Variants in TXNDC11 observed in about 807,000 individuals in gnomAD.
TXNDC11 encodes thioredoxin domain containing 11, also known as thioredoxin domain-containing protein 11.
In TXNDC11, 68 loss-of-function variants were observed where a neutral mutation model predicts 78.0. That is an observed-to-expected ratio of 0.87 (90% confidence interval 0.72 to 1.07). The LOEUF is 1.07. TXNDC11 is among the 50% of genes least tolerant of loss of function. The pLI, the probability that TXNDC11 is intolerant of heterozygous loss-of-function variation, is 0.00. For synonymous variants in TXNDC11, 571 were observed against 495.2 expected (o/e 1.15, Z -2.03); for missense variants, 1,389 against 1,221.8 (o/e 1.14, Z -2.04).
At position 11,721,586 on chromosome 16, in the gene TXNDC11, A is replaced by C; in HGVS notation, c.784T>G (p.Leu262Val). The C allele has an allele frequency of 6.2e-7, 1 of 1,601,666 alleles. No individual in the cohort carries two copies. The highest frequency in any genetic ancestry group is 8.5e-7 in the Non-Finnish European group (1 of 1,170,084). Residue 262 changes from leucine to valine, a missense_variant, in exon 5 of 12, where the codon TTA (leucine) becomes GTA (valine). Transcript: ENST00000283033. ...LTFFTSALHSLKKDYLGTVRF... is the reference protein window; with the variant it reads ...LTFFTSALHSVKKDYLGTVRF... Reference sequence around the variant, plus strand: ...ATGAATCATTTTTTACCTTTCTTTAATGAATGTAATGCTGAGGTGAAGAAG... The same window carrying C: ...ATGAATCATTTTTTACCTTTCTTTACTGAATGTAATGCTGAGGTGAAGAAG...
chr16:11,707,666 C>A (rs1443194572), intron 5 of TXNDC11, among the ~76,000 whole-genome samples: 1 of 151,730 alleles, frequency 6.6e-6, no homozygotes, highest in South Asian at 2.1e-4. Context: ...CCAGGCTGGT[C>A]TCGAACTCCT....
intron 5 of TXNDC11, 176 bp downstream of exon 5, chr16:11,721,401 T>C: frequency 2.6e-6 from 1 of 389,642 alleles, no homozygotes; most frequent in Non-Finnish European, 4.8e-6. Flanking sequence ...ATCACGCCAC[T>C]GCACTCCAGC....
rs1394099648 is a variant in TXNDC11, at chr16:11,703,548, GGA to G, written c.794-2986_794-2985del. The G allele has an allele frequency of 4.1e-5, 23 of 557,850 alleles. 1 individual carries two copies. The highest frequency in any genetic ancestry group is 8.2e-5 in the South Asian group (4 of 48,928). The allele number at this position is 557,850 out of a possible 1,614,324, so 34.6% of individuals were successfully genotyped here. On this transcript the variant is annotated intron_variant, in intron 5 of 11. Transcript: ENST00000283033. ...CACACACACACACACACACACAGAGGGAGAGAGAGGGGATGGATAGAGAAATA... is the reference window on the plus strand; with the variant it reads ...CACACACACACACACACACACAGAGGGAGAGAGGGGATGGATAGAGAAATA...
chr16:11,693,451 G>A (rs549839828), intron 7 of TXNDC11, among the ~76,000 whole-genome samples: 5 of 151,964 alleles, frequency 3.3e-5, no homozygotes, highest in African/African-American at 1.2e-4. Context: ...TCAGGATTTT[G>A]TTTCGCTGTG....
At chr16:11,701,500 G>C (rs1381941108) in intron 5 of TXNDC11, among the ~76,000 whole-genome samples, 1 of 152,050 alleles carries the variant, frequency 6.6e-6, no homozygotes. Context: ...TAGTATCCCA[G>C]CACCTACAGA....
At chr16:11,683,734 T>C (rs918853686) in intron 11 of TXNDC11, among the ~76,000 whole-genome samples, 6 of 150,564 alleles carry the variant, frequency 4.0e-5, no homozygotes, top group Non-Finnish European at 8.8e-5. Flanking sequence ...AACCCTTTTA[T>C]GTCCCTAAGG....
At chr16:11,688,007 T>C in intron 9 of TXNDC11, 41 bp from the exon 10 acceptor site, 1 of 1,422,574 alleles carries the variant, frequency 7.0e-7, no homozygotes, top group Non-Finnish European at 9.9e-7. Context: ...CACCGGGAAA[T>C]GGGCTCTTCT....
intron 5 of TXNDC11, among the ~76,000 whole-genome samples, chr16:11,713,280 C>CAAAA (rs60166472): frequency 1.0e-5 from 1 of 97,608 alleles, no homozygotes; most frequent in Non-Finnish European, 2.2e-5. Flanking sequence ...GACTCTGTCT[C>CAAAA]AAAAAAAAAA....
chr16:11,690,784 T>C (rs1166946150), intron 8 of TXNDC11: 2 of 153,856 alleles, frequency 1.3e-5, no homozygotes, highest in Non-Finnish European at 2.9e-5. Flanking sequence ...ATAGTCTCGA[T>C]CTCCTGACCT....
intron 9 of TXNDC11, 145 bp downstream of exon 9, chr16:11,688,158 T>C (rs550837777): frequency 3.0e-6 from 3 of 987,422 alleles, no homozygotes; most frequent in Non-Finnish European, 4.5e-6. Context: ...AAAAACCACA[T>C]GTAATTCATT....
At chr16:11,732,985 T>C (rs4439779) in intron 3 of TXNDC11, among the ~76,000 whole-genome samples, 92,176 of 152,060 alleles carry the variant, frequency 0.61, 28,684 homozygotes, top group African/African-American at 0.72. Context: ...CAAAACTCTT[T>C]GAGTCAGATT....
At chr16:11,721,951 A>G (rs561463252) in intron 4 of TXNDC11, among the ~76,000 whole-genome samples, 16 of 152,300 alleles carry the variant, frequency 1.1e-4, no homozygotes, top group Admixed American at 9.1e-4. Context: ...TTCTGTCCCC[A>G]TGAGTAGGTC....
At chr16:11,701,364 T>A (rs1018982181) in intron 5 of TXNDC11, among the ~76,000 whole-genome samples, 2 of 152,042 alleles carry the variant, frequency 1.3e-5, no homozygotes, top group African/African-American at 4.8e-5. Flanking sequence ...CTCGAACTCC[T>A]GACCTCAAGT....
At chr16:11,717,110 A>G (rs2051547614) in intron 5 of TXNDC11, among the ~76,000 whole-genome samples, 1 of 146,398 alleles carries the variant, frequency 6.8e-6, no homozygotes, top group African/African-American at 2.5e-5. Context: ...ATTTTCAGGA[A>G]AAAAAAAAAA....
chr16:11,687,410 A>C (rs2050594760), intron 10 of TXNDC11, among the ~76,000 whole-genome samples: 1 of 152,218 alleles, frequency 6.6e-6, no homozygotes. Flanking sequence ...AAGCGCACAT[A>C]CAGTACCCAT....
chr16:11,730,914 T>TAGCC (rs2052026402), intron 3 of TXNDC11, 140 bp from the exon 4 acceptor site: 1 of 600,942 alleles, frequency 1.7e-6, no homozygotes, highest in Admixed American at 3.8e-5. Flanking sequence ...CACAGATCAG[T>TAGCC]AGCCTGCTTT....
rs552567388 is a variant in TXNDC11, at chr16:11,682,614, T to A, written c.2234+1551A>T. Among the ~76,000 whole-genome samples, 387 of 152,338 alleles carry A rather than the reference T, an allele frequency of 2.5e-3. 1 individual carries two copies. Among genetic ancestry groups the A allele is most frequent in the African/African-American group, 8.8e-3 (367 of 41,568 alleles). ...CATGTGCTGGGTGCTAAGATTTTCA[T>A]ATTTTTTCAAACTATGCTTGGAATT... On this transcript the variant is annotated intron_variant, in intron 11 of 11. Coordinates refer to ENST00000283033, the MANE Select transcript of TXNDC11 (RefSeq NM_015914.7).
chr16:11,687,996 G>T, intron 9 of TXNDC11, 30 bp from the exon 10 acceptor site: 2 of 1,512,358 alleles, frequency 1.3e-6, no homozygotes, highest in Non-Finnish European at 1.8e-6. Context: ...GATGTTACTT[G>T]CACCGGGAAA....
rs2051831048 is a variant in TXNDC11, at chr16:11,724,921, A to AT, written c.700-3252dup. 7.9e-5 allele frequency among the ~76,000 whole-genome samples: 12 copies of AT among 152,068 alleles called. No individual in the cohort carries two copies. In the South Asian group the frequency reaches 2.5e-3, roughly 32 times the overall value. ...CCACCACATCCGGCTAATTTTTTGT[A>AT]TTTTTAGTAGAGACGAGGTTTCACC... is the stretch of plus-strand genomic sequence containing the variant. On this transcript the variant is annotated intron_variant, in intron 4 of 11. Transcript: ENST00000283033.
Sources: allele counts gnomAD v4.1 joint callset (sites outside exome capture counted in the v4.1 genomes callset), GRCh38; gene constraint gnomAD v4.1.1; transcripts MANE v1.5; gene names NCBI Gene and HGNC (gene_info 2026-07-23, HGNC 2026-07-21).